Variants in SRFBP1 observed in about 807,000 individuals in gnomAD.
SRFBP1 encodes the protein serum response factor-binding protein 1.
SRFBP1 carries 47 observed loss-of-function variants against 45.5 expected under a neutral mutation model. The observed-to-expected ratio is 1.03, with a 90% confidence interval of 0.82 to 1.32. SRFBP1 has a LOEUF of 1.32. Among genes scored for constraint, SRFBP1 ranks in the 40% most tolerant of loss-of-function variants. SRFBP1 has a pLI of 0.00. For synonymous variants in SRFBP1, 203 were observed against 166.3 expected (o/e 1.22, Z -1.70); for missense variants, 621 against 484.6 (o/e 1.28, Z -2.64).
At chr5:122,067,787 C>T (rs963575629) in intron 2 of SRFBP1, among the ~76,000 whole-genome samples, 3 of 152,080 alleles carry the variant, frequency 2.0e-5, no homozygotes, top group Non-Finnish European at 4.4e-5. Flanking sequence ...TGCAAGTTGC[C>T]TGTGACGTTG....
At chr5:122,057,005 G>A (rs1329542550) in intron 2 of SRFBP1, among the ~76,000 whole-genome samples, 1 of 152,148 alleles carries the variant, frequency 6.6e-6, no homozygotes, top group African/African-American at 2.4e-5. Flanking sequence ...TTAGTTACAG[G>A]AAATTGAGAA....
intron 2 of SRFBP1, among the ~76,000 whole-genome samples, chr5:122,072,044 A>T (rs916948533): frequency 3.9e-5 from 6 of 152,234 alleles, no homozygotes; most frequent in Non-Finnish European, 8.8e-5. Context: ...ATTCCAGCAT[A>T]CAATTCTGAT....
chr5:121,985,432 G>C (rs1752491209), intron 3 of SRFBP1, among the ~76,000 whole-genome samples: 2 of 151,588 alleles, frequency 1.3e-5, no homozygotes, highest in Admixed American at 1.3e-4. Flanking sequence ...TGAAGTCTGT[G>C]TAAAGGAAGA....
chr5:122,027,658 A>G lies in SRFBP1; in HGVS notation c.*532A>G, dbSNP rs1381917030. 2 of 152,142 alleles carry G rather than the reference A, an allele frequency of 1.3e-5. No individual in the cohort carries two copies. Among genetic ancestry groups the G allele is most frequent in the African/African-American group, 4.8e-5 (2 of 41,438 alleles). The allele number at this position is 152,142 out of a possible 1,614,324, so 9.4% of individuals were successfully genotyped here. On this transcript the variant is annotated 3_prime_UTR_variant, in exon 8 of 8. Transcript: ENST00000339397. Reference sequence around the variant, plus strand: ...AATAATAATGGAAACATAGGAAATCAGCTATTTAAACCAGATCACCCTTGT... The same window carrying G: ...AATAATAATGGAAACATAGGAAATCGGCTATTTAAACCAGATCACCCTTGT...
intron 2 of SRFBP1, among the ~76,000 whole-genome samples, chr5:122,045,717 C>T (rs1164789067): frequency 1.3e-5 from 2 of 152,132 alleles, no homozygotes; most frequent in African/African-American, 4.8e-5. Flanking sequence ...TATCTTGAAA[C>T]TTTCCTGAAG....
chr5:122,051,542 G>C (rs567833745), intron 2 of SRFBP1, among the ~76,000 whole-genome samples: 5 of 150,466 alleles, frequency 3.3e-5, no homozygotes, highest in African/African-American at 1.2e-4. Context: ...AATCATTGTT[G>C]GTTTAAAGTC....
chr5:121,969,688 T>G (rs1752148387), intron 1 of SRFBP1, among the ~76,000 whole-genome samples: 1 of 152,106 alleles, frequency 6.6e-6, no homozygotes, highest in Non-Finnish European at 1.5e-5. Context: ...ATGTAAGTCT[T>G]AATTCTTTTT....
At chr5:122,030,250 GTA>G (rs1753567326), downstream of SRFBP1, among the ~76,000 whole-genome samples, 1 of 152,166 alleles carries the variant, frequency 6.6e-6, no homozygotes, top group Non-Finnish European at 1.5e-5. Context: ...AATCCAAGAA[GTA>G]TTTACTAAAG....
intron 2 of SRFBP1, chr5:122,070,599 A>C (rs1425194842): frequency 6.7e-7 from 1 of 1,486,232 alleles, no homozygotes; most frequent in African/African-American, 1.4e-5. Context: ...CCTAAGATAA[A>C]CAAAATAAAA....
chr5:122,046,730 T>A lies in SRFBP1; in HGVS notation n.311+24323T>A, dbSNP rs1197819438. ...CCTGTTGTTTCCTGACTTTTTAATG[T>A]TCGCCATTCTAACTGGCGTGAGATG... On this transcript the variant is annotated intron_variant and non_coding_transcript_variant, in intron 2 of 2. Coordinates refer to the SRFBP1 transcript ENST00000504881. 3.9e-5 allele frequency among the ~76,000 whole-genome samples: 6 copies of A among 152,262 alleles called. No individual in the cohort carries two copies. The East Asian group carries it at 5.8e-4, about 15-fold the overall frequency.
At position 122,027,087 on chromosome 5, in the gene SRFBP1, T is replaced by G; in HGVS notation, c.1251T>G (p.Ile417Met). The G allele has an allele frequency of 6.2e-7, 1 of 1,611,764 alleles. No individual in the cohort carries two copies. The highest frequency in any genetic ancestry group is 8.5e-7 in the Non-Finnish European group (1 of 1,179,336). ...SRRRKEQQSN[I>M]AVFQGKKITF... ...GGCGAAAAGAACAGCAATCTAATAT[T>G]GCTGTGTTTCAGGGGAAAAAAATTA... The change falls in exon 8 of 8, where the codon ATT becomes ATG. Residue 417 changes from isoleucine to methionine, a missense_variant. Coordinates refer to ENST00000339397, the MANE Select transcript of SRFBP1 (RefSeq NM_152546.3).
At chr5:121,962,913 T>A (rs1181239471) in intron 1 of SRFBP1, among the ~76,000 whole-genome samples, 1 of 152,236 alleles carries the variant, frequency 6.6e-6, no homozygotes, top group East Asian at 1.9e-4. Context: ...TATTTCATAT[T>A]TTCTAGTAAC....
chr5:122,002,755 A>C (rs1752897401), intron 4 of SRFBP1, among the ~76,000 whole-genome samples: 1 of 152,160 alleles, frequency 6.6e-6, no homozygotes, highest in Non-Finnish European at 1.5e-5. Flanking sequence ...AGATGTGAGA[A>C]ATTGTTGAAT....
intron 3 of SRFBP1, among the ~76,000 whole-genome samples, chr5:121,975,940 C>G (rs763775221): frequency 1.3e-5 from 2 of 151,584 alleles, no homozygotes; most frequent in African/African-American, 2.4e-5. Flanking sequence ...GCTGCTCTTA[C>G]TTTGAGGAAA....
intron 3 of SRFBP1, among the ~76,000 whole-genome samples, chr5:121,988,516 A>C (rs765289413): frequency 4.6e-5 from 7 of 152,238 alleles, no homozygotes; most frequent in Non-Finnish European, 1.0e-4. Flanking sequence ...GTGGAGTCAT[A>C]TGGCCACATT....
At chr5:121,977,287 A>G (rs1453286164) in intron 3 of SRFBP1, among the ~76,000 whole-genome samples, 3 of 151,780 alleles carry the variant, frequency 2.0e-5, no homozygotes, top group Non-Finnish European at 2.9e-5. Context: ...TAAAATTCAT[A>G]GTATATATAT....
chr5:121,973,101 A>T (rs908387534), intron 1 of SRFBP1, among the ~76,000 whole-genome samples: 1 of 151,784 alleles, frequency 6.6e-6, no homozygotes, highest in Admixed American at 6.6e-5. Context: ...GGCAAGAAGA[A>T]TTTGAGGAAT....
At chr5:122,008,708 G>T (rs946639056) in intron 4 of SRFBP1, among the ~76,000 whole-genome samples, 7 of 152,012 alleles carry the variant, frequency 4.6e-5, no homozygotes, top group African/African-American at 1.7e-4. Context: ...TTCTGTGCAG[G>T]TATGAGCCCT....
In SRFBP1 at chr5:121,994,743, G is replaced by A. The variant is rs191882331; in HGVS notation, c.270+73G>A. The A allele has an allele frequency of 8.3e-4, 823 of 994,806 alleles. 17 individuals carry two copies. In the East Asian group the frequency reaches 0.018, roughly 21 times the overall value. The allele number at this position is 994,806 out of a possible 1,614,324, so 61.6% of individuals were successfully genotyped here. ...ATATTGCTTACTTTTTTCTTGAAGA[G>A]AAAACTTACCAAGAAGTCATGCTAT... On this transcript the variant is annotated intron_variant, in intron 4 of 7. Transcript: ENST00000339397.
Sources: gnomAD v4.1 joint callset for allele counts (sites outside exome capture counted in the v4.1 genomes callset) on GRCh38, gnomAD v4.1.1 for gene constraint, MANE v1.5 for transcripts, NCBI Gene and HGNC (gene_info 2026-07-23, HGNC 2026-07-21) for gene names.